Variants in NAV3 observed in about 807,000 individuals in gnomAD.
NAV3 encodes the protein pore membrane and/or filament interacting like protein 1.
A neutral mutation model predicts 244.7 loss-of-function variants in NAV3; 87 were observed. That is an observed-to-expected ratio of 0.36 (90% confidence interval 0.30 to 0.42). NAV3 has a LOEUF of 0.42. Among genes scored for constraint, NAV3 ranks in the 20% least tolerant of loss-of-function variants. The pLI is 1.00. For missense variants in NAV3, 2,663 were observed against 2,893.3 expected, an observed-to-expected ratio of 0.92 and a Z score of 1.83; for synonymous variants, 1,126 against 1,042.2, an observed-to-expected ratio of 1.08 and a Z score of -1.55.
At chr12:78,018,123 A>C (rs1593290512) in intron 8 of NAV3, among the ~76,000 whole-genome samples, 1 of 152,128 alleles carries the variant, frequency 6.6e-6, no homozygotes, top group Non-Finnish European at 1.5e-5. Context: ...TAGATCACTC[A>C]TGTAGGGAAT....
chr12:78,159,896 A>G (rs1356866433), intron 23 of NAV3, among the ~76,000 whole-genome samples: 3 of 152,232 alleles, frequency 2.0e-5, no homozygotes, highest in Admixed American at 2.0e-4. Flanking sequence ...TCTGGGGGCA[A>G]ACTGTTATGC....
intron 20 of NAV3, chr12:78,143,356 C>CACG (rs1555179468): frequency 7.8e-5 from 33 of 421,834 alleles, no homozygotes; most frequent in African/African-American, 6.0e-4. Context: ...TAAGGCCAAG[C>CACG]GCGGTGGCTC....
chr12:77,723,149 A>G (rs1268077807), intron 2 of NAV3, among the ~76,000 whole-genome samples: 2 of 152,054 alleles, frequency 1.3e-5, no homozygotes, highest in African/African-American at 2.4e-5. Context: ...GAAAGAGAGC[A>G]CATGCTCTCT....
chr12:77,943,337 G>A (rs1057343839), intron 3 of NAV3, among the ~76,000 whole-genome samples: 14 of 152,092 alleles, frequency 9.2e-5, no homozygotes, highest in Non-Finnish European at 1.5e-5. Context: ...CTATAAAAAA[G>A]GTAGTTTATT....
intron 12 of NAV3, among the ~76,000 whole-genome samples, chr12:78,074,981 G>C (rs1394751462): frequency 6.6e-6 from 1 of 152,130 alleles, no homozygotes; most frequent in African/African-American, 2.4e-5. Flanking sequence ...ATGTAATCTG[G>C]ATGGGACACA....
intron 2 of NAV3, among the ~76,000 whole-genome samples, chr12:77,632,730 T>C (rs1388684017): frequency 6.6e-6 from 1 of 152,240 alleles, no homozygotes; most frequent in Non-Finnish European, 1.5e-5. Flanking sequence ...ACTACTATAA[T>C]AGTAATGAGA....
At chr12:77,986,362 A>AAAT (rs1319300519) in intron 5 of NAV3, among the ~76,000 whole-genome samples, 13 of 152,052 alleles carry the variant, frequency 8.5e-5, no homozygotes, top group Non-Finnish European at 1.5e-5. Context: ...ACTCCATCTC[A>AAAT]AATAATAATA....
intron 2 of NAV3, among the ~76,000 whole-genome samples, chr12:77,727,353 G>A (rs1375895026): frequency 6.6e-6 from 1 of 151,870 alleles, no homozygotes; most frequent in African/African-American, 2.4e-5. Flanking sequence ...TTTGTAGACA[G>A]CAACCATAGG....
At chr12:78,039,372 G>A (rs1166380684) in intron 9 of NAV3, among the ~76,000 whole-genome samples, 2 of 151,998 alleles carry the variant, frequency 1.3e-5, no homozygotes, top group African/African-American at 4.8e-5. Context: ...GACAGATTAA[G>A]GTTTGTCCTA....
chr12:77,605,354 C>A (rs146803433), intron 2 of NAV3, among the ~76,000 whole-genome samples: 2 of 152,042 alleles, frequency 1.3e-5, no homozygotes, highest in African/African-American at 2.4e-5. Context: ...ATATAAGGTC[C>A]TTTGCCCACT....
At position 78,197,393 on chromosome 12, in the gene NAV3, C is replaced by T; in HGVS notation, c.6438C>T (p.Tyr2146=). The T allele has an allele frequency of 6.3e-7, 1 of 1,590,654 alleles. No individual in the cohort carries two copies. The highest frequency in any genetic ancestry group is 8.6e-7 in the Non-Finnish European group (1 of 1,167,738). Residue 2146 remains tyrosine, a synonymous_variant, in exon 35 of 40, where the codon TAC becomes TAT. Transcript: ENST00000397909. ...TCAATGGTTTTCTCAATTGTAAATA[C>T]AACAAATGGTATGCTTATCAAATAT... is the stretch of plus-strand genomic sequence containing the variant. ...DIFNGFLNCK[Y]NKCPYIIGTM... is the part of the protein sequence containing the mutation.
rs752187024 is a variant in NAV3 at position 78,128,796 on chromosome 12, C to T, written c.4371C>T (p.Asn1457=). ...HSTGGLQDTG[N]QSPLVSPSAM... ...CTGGAGGGCTTCAGGACACTGGCAA[C>T]CAGTCACCTCTGGTTTCCCCTTCTG... The change falls in exon 18 of 40, where the codon AAC becomes AAT. Residue 1457 remains asparagine (N), a synonymous_variant. Coordinates refer to ENST00000397909, the MANE Select transcript of NAV3 (RefSeq NM_001024383.2). 1.9e-6 allele frequency: 3 copies of T among 1,614,066 alleles called. No individual in the cohort carries two copies. Among genetic ancestry groups the T allele is most frequent in the Non-Finnish European group, 2.5e-6 (3 of 1,179,972 alleles).
chr12:77,599,948 GT>G (rs1870348740), intron 2 of NAV3, among the ~76,000 whole-genome samples: 14 of 151,916 alleles, frequency 9.2e-5, no homozygotes, highest in African/African-American at 2.9e-4. Flanking sequence ...TGAATAGAAA[GT>G]CAATTTGCAG....
At chr12:77,656,809 C>T (rs1873129888) in intron 2 of NAV3, among the ~76,000 whole-genome samples, 1 of 151,838 alleles carries the variant, frequency 6.6e-6, no homozygotes, top group Non-Finnish European at 1.5e-5. Context: ...GAAACTCACT[C>T]AAAACCGCTC....
At chr12:77,858,404 A>C (rs955547375) in intron 1 of NAV3, among the ~76,000 whole-genome samples, 1 of 152,086 alleles carries the variant, frequency 6.6e-6, no homozygotes, top group Non-Finnish European at 1.5e-5. Flanking sequence ...TAAGATTTCC[A>C]GAAGTTCAAC....
At chr12:77,749,656 A>C (rs959327487) in intron 2 of NAV3, among the ~76,000 whole-genome samples, 1 of 152,196 alleles carries the variant, frequency 6.6e-6, no homozygotes, top group African/African-American at 2.4e-5. Flanking sequence ...AGAAATATGA[A>C]GTGCCTGCTA....
intron 2 of NAV3, among the ~76,000 whole-genome samples, chr12:77,649,797 A>G (rs1872748047): frequency 6.6e-6 from 1 of 152,138 alleles, no homozygotes; most frequent in African/African-American, 2.4e-5. Flanking sequence ...TTGAAAGTAA[A>G]TGATTTAATC....
Position 77,940,306 on chromosome 12 carries a change from C to CGG in NAV3, c.244-13_244-12insGG, listed in dbSNP as rs764560812. On this transcript the variant is annotated splice_polypyrimidine_tract_variant and intron_variant, in intron 1 of 39. Transcript: ENST00000397909. ...TCACCCCATCTCACTTTTTCCTTCT[C>CGG]TCTGTTCAACAGATTTACACTGACT... 3.1e-6 allele frequency: 5 copies of CGG among 1,600,834 alleles called. No homozygotes were observed. Among genetic ancestry groups the CGG allele is most frequent in the Non-Finnish European group, 4.3e-6 (5 of 1,172,424 alleles).
intron 14 of NAV3, 85 bp from the exon 15 acceptor site, chr12:78,119,152 C>A: frequency 1.6e-6 from 2 of 1,216,706 alleles, no homozygotes; most frequent in Non-Finnish European, 2.3e-6. Context: ...TATAAAGAAG[C>A]ATTCACATTT....
Sources: gnomAD v4.1 joint callset for allele counts (sites outside exome capture counted in the v4.1 genomes callset) on GRCh38, gnomAD v4.1.1 for gene constraint, MANE v1.5 for transcripts, NCBI Gene and HGNC (gene_info 2026-07-23, HGNC 2026-07-21) for gene names.